Variants in MXI1 observed in about 807,000 individuals in gnomAD.
MXI1 encodes max-interacting protein 1.
In MXI1, 18 loss-of-function variants were observed where a neutral mutation model predicts 36.9. The observed-to-expected ratio is 0.49, with a 90% confidence interval of 0.34 to 0.72. The LOEUF is 0.72. MXI1 is among the 30% of genes least tolerant of loss of function. The pLI, the probability that MXI1 is intolerant of heterozygous loss-of-function variation, is 0.01. For missense variants in MXI1, 304 were observed against 379.1 expected (o/e 0.80, Z 1.64); for synonymous variants, 160 against 146.7 (o/e 1.09, Z -0.65).
At chr10:110,209,653 T>C (rs966795265) in intron 1 of MXI1, among the ~76,000 whole-genome samples, 7 of 152,190 alleles carry the variant, frequency 4.6e-5, no homozygotes, top group African/African-American at 1.7e-4. Flanking sequence ...TTATTCATGC[T>C]GGTCGGAGGG....
chr10:110,261,160 ATCTT>A (rs1238458159), intron 3 of MXI1: 1 of 982,830 alleles, frequency 1.0e-6, no homozygotes, highest in Non-Finnish European at 1.2e-6. Context: ...GTATGTTGGA[ATCTT>A]TCTTCCTAAC....
chr10:110,274,334 A>G (rs1393620772), intron 3 of MXI1, among the ~76,000 whole-genome samples: 1 of 152,216 alleles, frequency 6.6e-6, no homozygotes, highest in African/African-American at 2.4e-5. Flanking sequence ...GGCAAAACCC[A>G]CTTTAAAATC....
chr10:110,263,982 T>C (rs1856603177), intron 3 of MXI1, among the ~76,000 whole-genome samples: 2 of 152,228 alleles, frequency 1.3e-5, no homozygotes, highest in Non-Finnish European at 2.9e-5. Flanking sequence ...CTCAGGATGT[T>C]CTAAATTTCC....
chr10:110,267,636 A>T (rs2134443934), intron 3 of MXI1, among the ~76,000 whole-genome samples: 1 of 152,352 alleles, frequency 6.6e-6, no homozygotes, highest in Admixed American at 6.5e-5. Flanking sequence ...TTTGCAGTTA[A>T]AACATTTGTA....
intron 2 of MXI1, among the ~76,000 whole-genome samples, chr10:110,243,280 C>A (rs187441285): frequency 6.6e-6 from 1 of 152,042 alleles, no homozygotes; most frequent in East Asian, 1.9e-4. Flanking sequence ...TATTTACTTC[C>A]CTCAAAGGAG....
intron 3 of MXI1, among the ~76,000 whole-genome samples, chr10:110,267,797 C>T (rs888047239): frequency 6.6e-6 from 1 of 152,074 alleles, no homozygotes; most frequent in African/African-American, 2.4e-5. Flanking sequence ...TATATTGGGT[C>T]AGATGAATGA....
In MXI1 at chr10:110,227,563, G is replaced by A. The variant is rs1855098390; in HGVS notation, c.275-626G>A. 3.1e-6 allele frequency: 3 copies of A among 982,722 alleles called. No individual in the cohort carries two copies. The South Asian group carries it at 1.4e-4, about 46-fold the overall frequency. 60.9% of individuals were successfully genotyped at this position (982,722 alleles called of 1,614,324 possible). ...AGAGGGTGCTGGGAGATAAGAGGAAGGAGGAACACGGATGCTGGGGGGGGT... is the reference window on the plus strand; with the variant it reads ...AGAGGGTGCTGGGAGATAAGAGGAAAGAGGAACACGGATGCTGGGGGGGGT... On this transcript the variant is annotated intron_variant, in intron 1 of 5. Coordinates refer to ENST00000332674, the MANE Select transcript of MXI1 (RefSeq NM_130439.3).
At chr10:110,257,460 C>G (rs182329497) in intron 3 of MXI1, among the ~76,000 whole-genome samples, 10 of 152,146 alleles carry the variant, frequency 6.6e-5, no homozygotes, top group East Asian at 3.9e-4. Flanking sequence ...AGGCACCCAC[C>G]ACCACACCTG....
intron 1 of MXI1, among the ~76,000 whole-genome samples, chr10:110,221,590 C>T (rs908383252): frequency 2.6e-5 from 4 of 152,208 alleles, no homozygotes; most frequent in Admixed American, 6.5e-5. Context: ...GAGAGATTAA[C>T]ACATCCATTA....
At chr10:110,229,941 C>A (rs550165139) in intron 2 of MXI1, among the ~76,000 whole-genome samples, 3 of 152,172 alleles carry the variant, frequency 2.0e-5, no homozygotes, top group East Asian at 1.9e-4. Context: ...TAAGCCTTTC[C>A]TATTTTCTAG....
chr10:110,211,100 C>T (rs1395116227), intron 1 of MXI1, among the ~76,000 whole-genome samples: 4 of 145,376 alleles, frequency 2.8e-5, no homozygotes, highest in Non-Finnish European at 6.0e-5. Context: ...TCGGTCACTA[C>T]TGCAAAAGGG....
intron 3 of MXI1, among the ~76,000 whole-genome samples, chr10:110,247,031 G>A (rs776988252): frequency 1.3e-5 from 2 of 152,062 alleles, no homozygotes; most frequent in Non-Finnish European, 2.9e-5. Flanking sequence ...TTTGAATGTG[G>A]TCCTTGGGAG....
chr10:110,218,878 T>G (rs1305997257), intron 1 of MXI1, among the ~76,000 whole-genome samples: 1 of 152,240 alleles, frequency 6.6e-6, no homozygotes, highest in African/African-American at 2.4e-5. Flanking sequence ...AAGTGTGAGC[T>G]GCAGAGATGA....
chr10:110,244,804 C>CTT (rs199913141), intron 2 of MXI1, 24 bp from the exon 3 acceptor site: 1,775 of 1,363,906 alleles, frequency 1.3e-3, no homozygotes, highest in African/African-American at 3.4e-3. Context: ...ATGGCTAATG[C>CTT]TTTTTTTTTT....
intron 1 of MXI1, among the ~76,000 whole-genome samples, chr10:110,213,080 C>T (rs888054310): frequency 4.6e-5 from 7 of 152,156 alleles, no homozygotes; most frequent in Non-Finnish European, 7.4e-5. Flanking sequence ...ACAGCCTTTC[C>T]GAAGATTTGG....
intron 3 of MXI1, among the ~76,000 whole-genome samples, chr10:110,266,944 A>T (rs1856694250): frequency 6.6e-6 from 1 of 152,234 alleles, no homozygotes; most frequent in Admixed American, 6.5e-5. Context: ...ATATATGTTT[A>T]ATAGAATCCT....
At chr10:110,259,803 G>GT (rs1190535230) in intron 3 of MXI1, among the ~76,000 whole-genome samples, 2 of 151,924 alleles carry the variant, frequency 1.3e-5, no homozygotes, top group African/African-American at 4.8e-5. Flanking sequence ...TGAAAGTCCC[G>GT]TAAGTGTTAC....
At chr10:110,280,680 A>G (rs74951567) in intron 5 of MXI1, among the ~76,000 whole-genome samples, 19 of 127,542 alleles carry the variant, frequency 1.5e-4, no homozygotes, top group African/African-American at 4.5e-4. Flanking sequence ...GTTCCGTCTC[A>G]AAAAAAAAAA....
chr10:110,259,502 G>A (rs1008609826), intron 3 of MXI1, among the ~76,000 whole-genome samples: 9 of 152,108 alleles, frequency 5.9e-5, no homozygotes, highest in Admixed American at 5.2e-4. Flanking sequence ...ATTGAAAATT[G>A]AATAGTAAGC....
Sources: gnomAD v4.1 joint callset for allele counts (sites outside exome capture counted in the v4.1 genomes callset) on GRCh38, gnomAD v4.1.1 for gene constraint, MANE v1.5 for transcripts, NCBI Gene and HGNC (gene_info 2026-07-23, HGNC 2026-07-21) for gene names.